Variants in ZDHHC9 observed in about 807,000 individuals in gnomAD.
ZDHHC9 encodes zDHHC palmitoyltransferase 9, also known as palmitoyltransferase ZDHHC9.
In ZDHHC9, 3 loss-of-function variants were observed where a neutral mutation model predicts 26.6. The ratio of observed to expected loss-of-function variants is 0.11; its 90% CI spans 0.05 to 0.29. ZDHHC9 has a LOEUF of 0.29. Among genes scored for constraint, ZDHHC9 ranks in the 10% least tolerant of loss-of-function variants. The pLI is 1.00. For synonymous variants in ZDHHC9, 111 were observed against 109.4 expected, an observed-to-expected ratio of 1.01 and a Z score of -0.09; for missense variants, 146 against 296.4, an observed-to-expected ratio of 0.49 and a Z score of 3.73.
rs529551692 is a variant in ZDHHC9 at position 129,829,764 on chromosome X, C to T, written c.168-623G>A. 3.6e-5 allele frequency among the ~76,000 whole-genome samples: 4 copies of T among 111,695 alleles called. No homozygotes were observed. The South Asian group carries it at 1.1e-3, about 31-fold the overall frequency. Reference sequence around the variant, plus strand: ...ACCATCAGCAAGAAAATAAGAAAATCGTTTATCCTTAGTACCCCTTCCCAA... The same window carrying T: ...ACCATCAGCAAGAAAATAAGAAAATTGTTTATCCTTAGTACCCCTTCCCAA... On this transcript the variant is annotated intron_variant, in intron 3 of 10. Coordinates refer to ENST00000357166, the MANE Select transcript of ZDHHC9 (RefSeq NM_016032.4).
chrX:129,839,401 G>A lies in ZDHHC9; in HGVS notation c.167+2378C>T, dbSNP rs1050503293. Among the ~76,000 whole-genome samples, 34 of 109,807 alleles carry A rather than the reference G, an allele frequency of 3.1e-4. 1 individual carries two copies. Among genetic ancestry groups the A allele is most frequent in the African/African-American group, 1.1e-3 (34 of 30,034 alleles). ...TAATTTTTGTATTTTTAGTAGAGAC[G>A]GGGGTTTTACCATGTTGGCCAGGCT... On this transcript the variant is annotated intron_variant, in intron 3 of 10. Coordinates refer to ENST00000357166, the MANE Select transcript of ZDHHC9 (RefSeq NM_016032.4).
intron 5 of ZDHHC9, among the ~76,000 whole-genome samples, chrX:129,819,190 AAAAAAAAG>A (rs1431441178): frequency 1.8e-5 from 2 of 108,290 alleles, no homozygotes; most frequent in African/African-American, 6.7e-5. Context: ...AAAAAAAAAA[AAAAAAAAG>A]AATAAAATAT....
intron 3 of ZDHHC9, among the ~76,000 whole-genome samples, chrX:129,836,273 T>C (rs769498812): frequency 9.0e-6 from 1 of 110,960 alleles, no homozygotes; most frequent in East Asian, 2.8e-4. Flanking sequence ...CTTTTTTCTA[T>C]TTTATTTATT....
chrX:129,822,425 G>C (rs1017126530), intron 5 of ZDHHC9, among the ~76,000 whole-genome samples: 1 of 104,945 alleles, frequency 9.5e-6, no homozygotes, highest in East Asian at 3.0e-4. Flanking sequence ...GACACAGGGA[G>C]GGGAACAACA....
chrX:129,841,275 C>T (rs1397047859), intron 3 of ZDHHC9, among the ~76,000 whole-genome samples: 1 of 112,473 alleles, frequency 8.9e-6, no homozygotes, highest in Non-Finnish European at 1.9e-5. Flanking sequence ...GTGCCACGCA[C>T]ACAACTAGTA....
At chrX:129,837,095 TC>T (rs1435123949) in intron 3 of ZDHHC9, among the ~76,000 whole-genome samples, 2 of 112,197 alleles carry the variant, frequency 1.8e-5, no homozygotes, top group African/African-American at 6.5e-5. Context: ...GGGCCTGGTT[TC>T]CTCACCCCAC....
intron 5 of ZDHHC9, among the ~76,000 whole-genome samples, chrX:129,819,371 T>C (rs114931201): frequency 0.06 from 6,578 of 109,576 alleles, 511 homozygotes; most frequent in African/African-American, 0.21. Context: ...TAAATCACAT[T>C]TTTTCTGATA....
At chrX:129,806,581 CT>C (rs1927521814) in intron 10 of ZDHHC9, 95 bp from the exon 11 acceptor site, 2 of 707,603 alleles carry the variant, frequency 2.8e-6, no homozygotes, top group Non-Finnish European at 2.2e-6. Context: ...TCTCAGCCCC[CT>C]GATCACACTG....
chrX:129,818,305 A>C (rs1927804187), intron 5 of ZDHHC9, among the ~76,000 whole-genome samples: 1 of 111,585 alleles, frequency 9.0e-6, no homozygotes, highest in Non-Finnish European at 1.9e-5. Context: ...AAAAATTCCC[A>C]TTGTTTGAGC....
chrX:129,816,912 C>T (rs1927767682), intron 5 of ZDHHC9, among the ~76,000 whole-genome samples: 1 of 111,259 alleles, frequency 9.0e-6, no homozygotes, highest in African/African-American at 3.3e-5. Context: ...GACACAGTTT[C>T]ACACTTGTCA....
intron 3 of ZDHHC9, among the ~76,000 whole-genome samples, chrX:129,835,502 G>A (rs183716934): frequency 0.021 from 2,330 of 108,386 alleles, 54 homozygotes; most frequent in African/African-American, 0.064. Flanking sequence ...GCAAACTGCC[G>A]CCAGGTGCAG....
intron 5 of ZDHHC9, among the ~76,000 whole-genome samples, chrX:129,817,540 C>T (rs2095197702): frequency 9.0e-6 from 1 of 111,671 alleles, no homozygotes; most frequent in African/African-American, 3.3e-5. Context: ...GCATTAATTA[C>T]ATTCATAATG....
At chrX:129,816,359 G>A (rs1927756444) in intron 5 of ZDHHC9, among the ~76,000 whole-genome samples, 1 of 110,584 alleles carries the variant, frequency 9.0e-6, no homozygotes, top group African/African-American at 3.3e-5. Context: ...ATCCCCCAAG[G>A]ATACTTAGGG....
chrX:129,842,075 C>A lies in ZDHHC9; in HGVS notation c.-130G>T. ...TCAAACATCATCAAAAGTCCAATTG[C>A]TAGCCCTAAGAAAAAGCAGAAAAAG... On this transcript the variant is annotated 5_prime_UTR_variant, in exon 3 of 11. Transcript: ENST00000357166. 1.2e-6 allele frequency: 1 copy of A among 830,392 alleles called. No homozygotes were observed. The highest frequency in any genetic ancestry group is 1.8e-6 in the Non-Finnish European group (1 of 563,291). 68.4% of individuals were successfully genotyped at this position (830,392 alleles called of 1,213,427 possible). A position where few individuals can be genotyped will look rare whatever the true frequency, so the allele number is the denominator to read the frequency against.
chrX:129,840,092 G>C (rs1001170555), intron 3 of ZDHHC9, among the ~76,000 whole-genome samples: 43 of 111,306 alleles, frequency 3.9e-4, no homozygotes, highest in Non-Finnish European at 5.1e-4. Flanking sequence ...AGGGGCCTCA[G>C]TGGAACAGAT....
intron 3 of ZDHHC9, among the ~76,000 whole-genome samples, chrX:129,831,718 T>C (rs1325101941): frequency 3.6e-5 from 4 of 111,939 alleles, no homozygotes; most frequent in Non-Finnish European, 7.5e-5. Flanking sequence ...CAGCCAGTCG[T>C]CTCTAGTGAG....
chrX:129,830,783 G>A (rs148910829), intron 3 of ZDHHC9, among the ~76,000 whole-genome samples: 5 of 111,469 alleles, frequency 4.5e-5, no homozygotes, highest in East Asian at 5.7e-4. Flanking sequence ...CTGCAGTTTC[G>A]GAACAACCCC....
At chrX:129,812,629 C>T in intron 8 of ZDHHC9, 89 bp downstream of exon 8, 1 of 830,255 alleles carries the variant, frequency 1.2e-6, no homozygotes, top group Non-Finnish European at 1.8e-6. Flanking sequence ...CTCCCAGGCC[C>T]TGGAGACTCG....
intron 3 of ZDHHC9, among the ~76,000 whole-genome samples, chrX:129,831,882 T>G (rs1374729285): frequency 9.0e-6 from 1 of 110,641 alleles, no homozygotes; most frequent in African/African-American, 3.3e-5. Context: ...ACCGGGGGTA[T>G]TGGGAAGGGA....
Sources: allele counts gnomAD v4.1 joint callset (sites outside exome capture counted in the v4.1 genomes callset), GRCh38; gene constraint gnomAD v4.1.1; transcripts MANE v1.5; gene names NCBI Gene and HGNC (gene_info 2026-07-23, HGNC 2026-07-21).